Variants in ABCC11 observed in about 807,000 individuals in gnomAD.
ABCC11 encodes ATP-binding cassette sub-family C member 11.
In ABCC11, 135 loss-of-function variants were observed where a neutral mutation model predicts 149.3. The ratio of observed to expected loss-of-function variants is 0.90; its 90% CI spans 0.79 to 1.04. The LOEUF (loss-of-function observed/expected upper bound fraction) is 1.04, where lower values mean the gene tolerates loss of function less well. Ranked by LOEUF, ABCC11 falls within the 50% of genes least tolerant of loss-of-function variation. The pLI is 0.00. For missense variants in ABCC11, 1,680 were observed against 1,722.1 expected, an observed-to-expected ratio of 0.98 and a Z score of 0.43; for synonymous variants, 665 against 671.4, an observed-to-expected ratio of 0.99 and a Z score of 0.15.
chr16:48,175,385 G>A lies in ABCC11; in HGVS notation c.3571C>T (p.Leu1191=). 1 of 1,613,144 alleles carries A rather than the reference G, an allele frequency of 6.2e-7. No homozygotes were observed. The highest frequency in any genetic ancestry group is 8.5e-7 in the Non-Finnish European group (1 of 1,179,136). The change falls in exon 26 of 30, where the codon CTG becomes TTG. Residue 1191 remains leucine, a synonymous_variant. Coordinates refer to ENST00000356608, the MANE Select transcript of ABCC11 (RefSeq NM_001370497.1). ...ATCCGGCCTGCCATGGGCTCCACCA[G>A]GCGGAAGAGAGCCATGCCCAAGGAG... ...KSSLGMALFR[L]VEPMAGRILI...
chr16:48,177,533 GGA>G (rs1173883719), intron 24 of ABCC11, among the ~76,000 whole-genome samples: 2 of 152,192 alleles, frequency 1.3e-5, no homozygotes, highest in African/African-American at 4.8e-5. Flanking sequence ...TCCCAGGTGA[GGA>G]GATAGAGGAT....
At chr16:48,201,666 C>G (rs8050120) in intron 14 of ABCC11, among the ~76,000 whole-genome samples, 33,887 of 151,848 alleles carry the variant, frequency 0.22, 4,527 homozygotes, top group African/African-American at 0.37. Context: ...GCCTGGGTTA[C>G]AGGTGTCGTC....
rs1209932270 is a variant in ABCC11, at chr16:48,216,178, T to A, written c.887A>T (p.Tyr296Phe). 1 of 1,614,010 alleles carries A rather than the reference T, an allele frequency of 6.2e-7. No homozygotes were observed. Residue 296 changes from tyrosine to phenylalanine, a missense_variant, in exon 7 of 30, where the codon TAC becomes TTC. Transcript: ENST00000356608. The stretch of plus-strand genomic sequence containing the variant: ...AAATGCAGTGTATCCAATAATGAAG[T>A]AGGAAGAAATGCTGCAGATGACCAG... Reference protein sequence around the residue: ...ASLVICSISSYFIIGYTAFIA... With the variant: ...ASLVICSISSFFIIGYTAFIA...
At chr16:48,181,441 T>C (rs1016662052) in intron 23 of ABCC11, among the ~76,000 whole-genome samples, 1 of 152,208 alleles carries the variant, frequency 6.6e-6, no homozygotes, top group Admixed American at 6.5e-5. Context: ...TCTAGGTTTT[T>C]ACAAACATTA....
intron 11 of ABCC11, among the ~76,000 whole-genome samples, chr16:48,208,907 CAT>C (rs769990853): frequency 6.6e-6 from 1 of 152,216 alleles, no homozygotes; most frequent in Non-Finnish European, 1.5e-5. Context: ...TTGAAGCATT[CAT>C]TCACCCATCA....
At chr16:48,231,687 G>T in intron 2 of ABCC11, 136 bp downstream of exon 2, 1 of 1,256,794 alleles carries the variant, frequency 8.0e-7, no homozygotes, top group Non-Finnish European at 1.1e-6. Flanking sequence ...GAGAGAGAGA[G>T]AGAGCAAAAA....
intron 20 of ABCC11, among the ~76,000 whole-genome samples, chr16:48,188,299 C>A (rs755326291): frequency 3.9e-5 from 6 of 152,188 alleles, no homozygotes; most frequent in Non-Finnish European, 5.9e-5. Context: ...CTGGGCAAAG[C>A]CAAGAACCCT....
intron 6 of ABCC11, among the ~76,000 whole-genome samples, chr16:48,218,710 G>A (rs73542912): frequency 0.018 from 2,667 of 151,834 alleles, 87 homozygotes; most frequent in African/African-American, 0.062. Context: ...TATATGGGGG[G>A]AGTTTCCCTA....
At chr16:48,241,434 A>G (rs1365338716) in intron 1 of ABCC11, among the ~76,000 whole-genome samples, 1 of 152,222 alleles carries the variant, frequency 6.6e-6, no homozygotes, top group Non-Finnish European at 1.5e-5. Context: ...GCTCATGGAT[A>G]GGAAGAATCA....
At chr16:48,202,260 C>T (rs1968051901) in intron 14 of ABCC11, among the ~76,000 whole-genome samples, 1 of 152,112 alleles carries the variant, frequency 6.6e-6, no homozygotes, top group Admixed American at 6.5e-5. Context: ...GAAGAAACAA[C>T]CTTGAATAAG....
chr16:48,227,764 T>C (rs1262870869), intron 4 of ABCC11, 42 bp downstream of exon 4: 1 of 1,612,096 alleles, frequency 6.2e-7, no homozygotes, highest in Non-Finnish European at 8.5e-7. Context: ...ACCAAGAGAT[T>C]GTCTTTTAAC....
At chr16:48,167,788 GGA>G in intron 28 of ABCC11, 128 bp from the exon 29 acceptor site, 2 of 1,094,612 alleles carry the variant, frequency 1.8e-6, no homozygotes, top group Non-Finnish European at 2.6e-6. Context: ...CTGGGAAATG[GGA>G]GAATTATGCC....
Position 48,224,410 on chromosome 16 carries a change from C to T in ABCC11, c.415G>A (p.Glu139Lys). 6.2e-7 allele frequency: 1 copy of T among 1,614,184 alleles called. No homozygotes were observed. The highest frequency in any genetic ancestry group is 8.5e-7 in the Non-Finnish European group (1 of 1,180,026). ...TCAATCCCTCGCCTTGAGACTTCTT[C>T]TTCCCAAAGGCGGTGAAGCCTTGAA... is the stretch of plus-strand genomic sequence containing the variant. ...NVQRLHRLWEEEVSRRGIEKA... is the reference protein window; with the variant it reads ...NVQRLHRLWEKEVSRRGIEKA... Residue 139 changes from glutamate (E) to lysine (K), a missense_variant, in exon 5 of 30, where the codon GAA becomes AAA. Physicochemically the swap from Glu to Lys is moderately conservative, Grantham distance 56 (BLOSUM62 1). Coordinates refer to ENST00000356608, the MANE Select transcript of ABCC11 (RefSeq NM_001370497.1).
rs901141718 is a variant in ABCC11 at position 48,183,775 on chromosome 16, A to G, written c.3258+665T>C. Among the ~76,000 whole-genome samples, 10 of 152,260 alleles carry G rather than the reference A, an allele frequency of 6.6e-5. 1 individual carries two copies. The South Asian group carries it at 1.9e-3, about 28-fold the overall frequency. On this transcript the variant is annotated intron_variant, in intron 23 of 29. Transcript: ENST00000356608. ...GAGATCCTATCTCAAAAAATAAAAAACAAATTAGATTCCAAGACCCCAGCT... is the reference window on the plus strand; with the variant it reads ...GAGATCCTATCTCAAAAAATAAAAAGCAAATTAGATTCCAAGACCCCAGCT...
chr16:48,220,172 G>C (rs1337475406), intron 6 of ABCC11, among the ~76,000 whole-genome samples: 1 of 152,168 alleles, frequency 6.6e-6, no homozygotes, highest in Non-Finnish European at 1.5e-5. Flanking sequence ...AACCAAGCTA[G>C]GCCTTAGCAC....
intron 23 of ABCC11, among the ~76,000 whole-genome samples, chr16:48,182,339 C>T (rs568752106): frequency 3.9e-5 from 6 of 152,200 alleles, no homozygotes; most frequent in Admixed American, 1.3e-4. Context: ...GCTATGTGGT[C>T]CTCACCCTCA....
chr16:48,181,340 T>C (rs1180474921), intron 23 of ABCC11, among the ~76,000 whole-genome samples: 2 of 152,332 alleles, frequency 1.3e-5, no homozygotes, highest in East Asian at 3.9e-4. Context: ...GCCAAGTTAC[T>C]TAAACGCTCT....
chr16:48,169,214 T>C (rs1965534458), intron 28 of ABCC11, among the ~76,000 whole-genome samples: 1 of 152,216 alleles, frequency 6.6e-6, no homozygotes, highest in East Asian at 1.9e-4. Context: ...TGTTGTGTTT[T>C]TCTGAGAAAA....
Position 48,235,891 on chromosome 16 carries a change from G to A in ABCC11, c.-18-3952C>T, listed in dbSNP as rs570815988. Among the ~76,000 whole-genome samples the A allele has an allele frequency of 3.3e-5, 5 of 152,340 alleles. No homozygotes were observed. In the South Asian group the frequency reaches 1.0e-3, roughly 32 times the overall value. On this transcript the variant is annotated intron_variant, in intron 1 of 29. Transcript: ENST00000356608. ...GTATGGTGAAACAGACTGTGAACAG[G>A]AGGGGAGCCACTGGAGCGGGGTAAC...
Sources: allele counts gnomAD v4.1 joint callset (sites outside exome capture counted in the v4.1 genomes callset), GRCh38; gene constraint gnomAD v4.1.1; transcripts MANE v1.5; gene names NCBI Gene and HGNC (gene_info 2026-07-23, HGNC 2026-07-21).